Variants in NRG2 observed in about 807,000 individuals in gnomAD.
NRG2 encodes the protein neuregulin 2, also known as pro-neuregulin-2, membrane-bound isoform.
In NRG2, 27 loss-of-function variants were observed where a neutral mutation model predicts 73.9. The ratio of observed to expected loss-of-function variants is 0.37; its 90% confidence interval spans 0.27 to 0.50. The LOEUF is 0.50. Ranked by LOEUF, NRG2 falls within the 20% of genes least tolerant of loss-of-function variation. The probability of loss-of-function intolerance (pLI) is 0.96; values close to 1 mark genes in which losing one functional copy is unlikely to be tolerated. For missense variants in NRG2, 1,126 were observed against 1,210.1 expected, an observed-to-expected ratio of 0.93 and a Z score of 1.03; for synonymous variants, 532 against 541.0, an observed-to-expected ratio of 0.98 and a Z score of 0.23.
At chr5:139,930,775 G>T (rs920126578) in intron 1 of NRG2, among the ~76,000 whole-genome samples, 2 of 152,204 alleles carry the variant, frequency 1.3e-5, no homozygotes, top group South Asian at 4.1e-4. Context: ...GGTGGATCCT[G>T]ATGAAGAGCA....
intron 1 of NRG2, among the ~76,000 whole-genome samples, chr5:139,979,665 G>C (rs760314225): frequency 6.6e-5 from 10 of 152,212 alleles, no homozygotes; most frequent in Non-Finnish European, 1.0e-4. Flanking sequence ...GAGCCCTGTG[G>C]AGAGCCTCAT....
In NRG2 at chr5:139,876,329, A is replaced by G. The variant is rs569254681; in HGVS notation, c.992-4488T>C. ...GAATTAGTGGTTGCCGGGGCTGGAGAGGGGGAGAAATGGGAGTGGCTGCTA... is the reference window on the plus strand; with the variant it reads ...GAATTAGTGGTTGCCGGGGCTGGAGGGGGGGAGAAATGGGAGTGGCTGCTA... On this transcript the variant is annotated intron_variant, in intron 3 of 9. Transcript: ENST00000361474. 2.6e-5 allele frequency among the ~76,000 whole-genome samples: 4 copies of G among 152,132 alleles called. No individual in the cohort carries two copies. The South Asian group carries it at 8.3e-4, about 32-fold the overall frequency.
rs537605751 is a variant in NRG2 at position 139,989,850 on chromosome 5, G to A, written c.700+52520C>T. Among the ~76,000 whole-genome samples, 75 of 151,134 alleles carry A rather than the reference G, an allele frequency of 5.0e-4. 1 individual carries two copies. The highest frequency in any genetic ancestry group is 9.3e-4 in the Non-Finnish European group (63 of 67,724). On this transcript the variant is annotated intron_variant, in intron 1 of 9. Transcript: ENST00000361474. Reference sequence around the variant, plus strand: ...TTTGCCCAGGCCGGACTGCAGTGGCGTGATCTCGGCTCACTGCAAGCTCCG... The same window carrying A: ...TTTGCCCAGGCCGGACTGCAGTGGCATGATCTCGGCTCACTGCAAGCTCCG...
intron 1 of NRG2, among the ~76,000 whole-genome samples, chr5:139,956,674 G>A (rs1399217281): frequency 3.3e-5 from 5 of 152,318 alleles, no homozygotes; most frequent in Admixed American, 6.5e-5. Context: ...CAATGGCCAC[G>A]TAGCCATTAG....
At chr5:139,877,656 G>A (rs761374782) in intron 3 of NRG2, among the ~76,000 whole-genome samples, 1 of 152,258 alleles carries the variant, frequency 6.6e-6, no homozygotes, top group Non-Finnish European at 1.5e-5. Flanking sequence ...ACTGCACATG[G>A]TAGCAGAAGT....
At chr5:140,040,372 C>G (rs916990225) in intron 1 of NRG2, among the ~76,000 whole-genome samples, 1 of 152,138 alleles carries the variant, frequency 6.6e-6, no homozygotes, top group African/African-American at 2.4e-5. Context: ...ATGAGATGAT[C>G]ATAACCTAGA....
rs143391130 is a variant in NRG2 at position 139,853,941 on chromosome 5, C to T, written c.1293-914G>A. Among the ~76,000 whole-genome samples, 278 of 152,258 alleles carry T rather than the reference C, an allele frequency of 1.8e-3. No homozygotes were observed. Among genetic ancestry groups the T allele is most frequent in the African/African-American group, 6.0e-3 (250 of 41,522 alleles). ...GGATTGCTTGTAACACAAAGGTCCA[C>T]GAGGACCCATCAGTTTGCTCAAGGT... On this transcript the variant is annotated intron_variant, in intron 6 of 9. Transcript: ENST00000361474. The surrounding 1 kb of genome is among the most constrained non-coding windows in gnomAD (Gnocchi z 4.1).
chr5:139,982,108 C>T (rs1217979011), intron 1 of NRG2, among the ~76,000 whole-genome samples: 1 of 152,188 alleles, frequency 6.6e-6, no homozygotes, highest in African/African-American at 2.4e-5. Flanking sequence ...TGGAAGTAAA[C>T]AGCAAAGCAT....
intron 1 of NRG2, among the ~76,000 whole-genome samples, chr5:139,938,882 A>C (rs201084369): frequency 1.9e-5 from 1 of 52,786 alleles, no homozygotes. Flanking sequence ...GAGAGAGAGA[A>C]GGAAAGAAAG....
In NRG2 at chr5:139,848,492, G is replaced by A; in HGVS notation, c.1978C>T (p.Pro660Ser). ...GCGCCGGGCCCGGGCCCGGGCCCGG[G>A]TCCGGGTCCCGGGCCGGGGGGCGCC... ...HPAPPGPGPG[P>S]GPGPGPGADM... is the part of the protein sequence containing the mutation. Residue 660 changes from proline (P) to serine (S), a missense_variant, in exon 10 of 10, where the codon CCC becomes TCC. Pro to Ser is a moderately conservative substitution (Grantham distance 74). Around this residue, in one of 3 missense-constraint regions of NRG2, gnomAD observed 402 missense variants for 357.8 expected, o/e 1.12. Coordinates refer to ENST00000361474, the MANE Select transcript of NRG2 (RefSeq NM_004883.3). The A allele has an allele frequency of 8.7e-7, 1 of 1,151,888 alleles. No homozygotes were observed. The highest frequency in any genetic ancestry group is 1.1e-6 in the Non-Finnish European group (1 of 926,402). The allele number at this position is 1,151,888 out of a possible 1,614,324, so 71.4% of individuals were successfully genotyped here.
chr5:139,852,508 C>G lies in NRG2; in HGVS notation c.1468G>C (p.Glu490Gln). ...GAGTGGCTCCCAGAGAAGGTGGTCT[C>G]AGTTTCTCTCCTGATGACATGGTCT... ...ATDHVIRRET[E>Q]TTFSGSHSCS... The change falls in exon 8 of 10, where the codon GAG (glutamate) becomes CAG (glutamine). Residue 490 changes from glutamate (E) to glutamine (Q), a missense_variant. Glu to Gln is a conservative substitution (Grantham distance 29, BLOSUM62 2). This residue lies in a region of NRG2 where 539 missense variants were observed against 703.2 expected (regional missense o/e 0.77). Transcript: ENST00000361474. The surrounding 1 kb of genome is among the most constrained non-coding windows in gnomAD (Gnocchi z 4.4). 6.2e-7 allele frequency: 1 copy of G among 1,614,076 alleles called. No homozygotes were observed. The highest frequency in any genetic ancestry group is 8.5e-7 in the Non-Finnish European group (1 of 1,180,008).
At chr5:139,945,284 CT>C (rs1433005349) in intron 1 of NRG2, among the ~76,000 whole-genome samples, 2 of 151,910 alleles carry the variant, frequency 1.3e-5, no homozygotes, top group African/African-American at 4.8e-5. Flanking sequence ...TTTATTTTTG[CT>C]TTTGTCGCCT....
chr5:139,862,666 G>A (rs1226362322), intron 5 of NRG2, among the ~76,000 whole-genome samples: 1 of 152,278 alleles, frequency 6.6e-6, no homozygotes, highest in Non-Finnish European at 1.5e-5. Flanking sequence ...ATGAGCTCCT[G>A]TGTTTGCACT....
At chr5:139,967,020 C>T (rs1755573081) in intron 1 of NRG2, among the ~76,000 whole-genome samples, 1 of 152,170 alleles carries the variant, frequency 6.6e-6, no homozygotes, top group South Asian at 2.1e-4. Flanking sequence ...TTATTTGCCC[C>T]TTGCTCCGAG....
In NRG2 at chr5:139,988,549, G is replaced by A. The variant is rs1207956445; in HGVS notation, c.700+53821C>T. 5.3e-5 allele frequency among the ~76,000 whole-genome samples: 8 copies of A among 152,074 alleles called. No individual in the cohort carries two copies. In the South Asian group the frequency reaches 8.3e-4, roughly 16 times the overall value. On this transcript the variant is annotated intron_variant, in intron 1 of 9. Transcript: ENST00000361474. Reference sequence around the variant, plus strand: ...GAAAGAAGCCAATTGAAAAGGTTACGTATTATATGATTCCAACTGTATCAC... The same window carrying A: ...GAAAGAAGCCAATTGAAAAGGTTACATATTATATGATTCCAACTGTATCAC...
At chr5:139,881,062 A>G in intron 2 of NRG2, 88 bp from the exon 3 acceptor site, 2 of 1,016,214 alleles carry the variant, frequency 2.0e-6, no homozygotes, top group Non-Finnish European at 3.1e-6. Context: ...GCCTCTCTCC[A>G]CAGAGCCACA....
intron 1 of NRG2, among the ~76,000 whole-genome samples, chr5:140,037,783 CT>C (rs1363781881): frequency 1.3e-5 from 2 of 151,924 alleles, no homozygotes; most frequent in African/African-American, 4.8e-5. Flanking sequence ...TGGCGGGTGC[CT>C]GTAATCCCAG....
chr5:140,038,970 C>T (rs1761709037), intron 1 of NRG2, among the ~76,000 whole-genome samples: 1 of 152,218 alleles, frequency 6.6e-6, no homozygotes, highest in Admixed American at 6.5e-5. Context: ...TATGTAGTCG[C>T]TTTTGCTATA....
At chr5:139,982,475 G>A (rs997730087) in intron 1 of NRG2, among the ~76,000 whole-genome samples, 2 of 152,138 alleles carry the variant, frequency 1.3e-5, no homozygotes, top group East Asian at 3.8e-4. Flanking sequence ...AACTCCTACA[G>A]CACTCTTGGC....
Sources: allele counts gnomAD v4.1 joint callset (sites outside exome capture counted in the v4.1 genomes callset), GRCh38; gene constraint gnomAD v4.1.1; regional missense constraint gnomAD v4.1.1; non-coding constraint Gnocchi (gnomAD v3.1); transcripts MANE v1.5; gene names NCBI Gene and HGNC (gene_info 2026-07-23, HGNC 2026-07-21).